The following SIAH3 variants were observed in gnomAD, a reference collection of about 807,000 sequenced individuals.
SIAH3 encodes seven in absentia homolog 3.
SIAH3 carries 9 observed loss-of-function variants against 12.6 expected under a neutral mutation model. The observed-to-expected ratio is 0.72, with a 90% CI of 0.43 to 1.25. The LOEUF is 1.25. Ranked by LOEUF, SIAH3 falls within the 50% of genes most tolerant of loss-of-function variation. The pLI is 0.00. For synonymous variants in SIAH3, 154 were observed against 151.1 expected (o/e 1.02, Z -0.14); for missense variants, 390 against 365.4 (o/e 1.07, Z -0.55).
intron 1 of SIAH3, among the ~76,000 whole-genome samples, chr13:45,813,264 T>C (rs1049661140): frequency 6.6e-6 from 1 of 152,246 alleles, no homozygotes; most frequent in African/African-American, 2.4e-5. Context: ...GGCACCAGGC[T>C]GCATTCAGCT....
At chr13:45,833,382 C>A (rs1447234917) in intron 1 of SIAH3, among the ~76,000 whole-genome samples, 1 of 152,116 alleles carries the variant, frequency 6.6e-6, no homozygotes, top group Non-Finnish European at 1.5e-5. Context: ...TGGACCCAGT[C>A]AACCACCCTG....
At chr13:45,843,948 C>T (rs1054284657) in intron 1 of SIAH3, among the ~76,000 whole-genome samples, 3 of 152,146 alleles carry the variant, frequency 2.0e-5, no homozygotes, top group African/African-American at 7.2e-5. Context: ...AAGTCTAAAA[C>T]CCTGAAAATC....
chr13:45,787,576 C>A (rs1003122097), intron 1 of SIAH3, among the ~76,000 whole-genome samples: 1 of 152,122 alleles, frequency 6.6e-6, no homozygotes, highest in Non-Finnish European at 1.5e-5. Flanking sequence ...GGCAAAGGAC[C>A]TGCTGACAGG....
intron 1 of SIAH3, among the ~76,000 whole-genome samples, chr13:45,801,645 A>G (rs1050042287): frequency 2.0e-5 from 3 of 152,222 alleles, no homozygotes; most frequent in African/African-American, 7.2e-5. Context: ...GGGTCAACAT[A>G]TACTTAATAA....
intron 1 of SIAH3, among the ~76,000 whole-genome samples, chr13:45,799,065 G>C (rs1415263485): frequency 3.9e-5 from 6 of 152,182 alleles, no homozygotes. Flanking sequence ...CACAGCACTA[G>C]ATCCTGGCCA....
rs548452525 is a variant in SIAH3 at position 45,851,602 on chromosome 13, C to T, written c.28G>A (p.Ala10Thr). The change falls in exon 1 of 2, where the codon GCT (alanine) becomes ACT (threonine). Residue 10 changes from alanine to threonine, a missense_variant. Transcript: ENST00000400405. MLFFTQCFG[A>T]VLDLIHLRFQ... is the part of the protein sequence containing the mutation. The stretch of plus-strand genomic sequence containing the variant: ...CGGAGATGAATGAGATCTAATACAG[C>T]CCCAAAGCACTGGGTAAAGAAAAGC... 1.2e-6 allele frequency: 2 copies of T among 1,614,164 alleles called. No individual in the cohort carries two copies. Among genetic ancestry groups the T allele is most frequent in the East Asian group, 4.5e-5 (2 of 44,884 alleles).
chr13:45,812,137 A>G (rs1282827082), intron 1 of SIAH3, among the ~76,000 whole-genome samples: 1 of 152,246 alleles, frequency 6.6e-6, no homozygotes, highest in Non-Finnish European at 1.5e-5. Context: ...TCTGCAGAAG[A>G]ACTTCCAGGT....
At chr13:45,801,105 C>T (rs954122342) in intron 1 of SIAH3, among the ~76,000 whole-genome samples, 11 of 135,766 alleles carry the variant, frequency 8.1e-5, no homozygotes, top group Non-Finnish European at 1.7e-4. Flanking sequence ...CGGGGGGGGG[C>T]ATGGCTGTAG....
Position 45,805,780 on chromosome 13 carries a change from C to A in SIAH3, c.136-21723G>T, listed in dbSNP as rs549982790. Among the ~76,000 whole-genome samples, 21 of 152,094 alleles carry A rather than the reference C, an allele frequency of 1.4e-4. No homozygotes were observed. The East Asian group carries it at 4.1e-3, about 29-fold the overall frequency. On this transcript the variant is annotated intron_variant, in intron 1 of 1. Coordinates refer to ENST00000400405, the MANE Select transcript of SIAH3 (RefSeq NM_198849.3). ...CACAGCAAAAGAAACTATTAACAGG[C>A]TAAACAGACAATTTATAGAATGGTA...
chr13:45,819,821 C>T (rs1034609013), intron 1 of SIAH3, among the ~76,000 whole-genome samples: 2 of 152,168 alleles, frequency 1.3e-5, no homozygotes, highest in African/African-American at 4.8e-5. Flanking sequence ...GGACTTCTGC[C>T]CTCCTCTCTT....
At chr13:45,832,637 G>A (rs1231950219) in intron 1 of SIAH3, among the ~76,000 whole-genome samples, 1 of 152,172 alleles carries the variant, frequency 6.6e-6, no homozygotes, top group Non-Finnish European at 1.5e-5. Flanking sequence ...GAATAATGCT[G>A]CAATAAACAT....
chr13:45,787,352 C>A (rs1309467126), intron 1 of SIAH3, among the ~76,000 whole-genome samples: 1 of 152,098 alleles, frequency 6.6e-6, no homozygotes, highest in African/African-American at 2.4e-5. Flanking sequence ...TACACACCAC[C>A]CATCTTGTGC....
At chr13:45,833,307 G>A (rs11147990) in intron 1 of SIAH3, among the ~76,000 whole-genome samples, 40,108 of 152,080 alleles carry the variant, frequency 0.26, 6,294 homozygotes, top group Admixed American at 0.4. Context: ...GGGCATCGCT[G>A]AAGGTCAGAC....
At chr13:45,848,913 C>T (rs1950769631) in intron 1 of SIAH3, among the ~76,000 whole-genome samples, 1 of 152,192 alleles carries the variant, frequency 6.6e-6, no homozygotes, top group Non-Finnish European at 1.5e-5. Flanking sequence ...AAGGACTTTC[C>T]TCCTCATTAC....
At chr13:45,785,405 A>G (rs1390842577) in intron 1 of SIAH3, among the ~76,000 whole-genome samples, 5 of 152,146 alleles carry the variant, frequency 3.3e-5, no homozygotes, top group Non-Finnish European at 7.3e-5. Context: ...TTCCCAAAGT[A>G]CAGAGGGCAG....
At chr13:45,827,463 C>T (rs550830723) in intron 1 of SIAH3, among the ~76,000 whole-genome samples, 2 of 152,316 alleles carry the variant, frequency 1.3e-5, no homozygotes, top group South Asian at 2.1e-4. Context: ...GACCATTCTG[C>T]TATTTATAAC....
intron 1 of SIAH3, among the ~76,000 whole-genome samples, chr13:45,789,259 T>C (rs1317907784): frequency 1.3e-5 from 2 of 152,392 alleles, no homozygotes; most frequent in East Asian, 3.9e-4. Context: ...GCTACGTAGA[T>C]GGATGAGATC....
chr13:45,825,013 T>C (rs1401261281), intron 1 of SIAH3, among the ~76,000 whole-genome samples: 1 of 151,884 alleles, frequency 6.6e-6, no homozygotes, highest in Non-Finnish European at 1.5e-5. Flanking sequence ...GCTAAAGCGG[T>C]ATGCAAACGT....
chr13:45,822,045 C>T (rs1462665293), intron 1 of SIAH3, among the ~76,000 whole-genome samples: 1 of 152,162 alleles, frequency 6.6e-6, no homozygotes, highest in Non-Finnish European at 1.5e-5. Context: ...GCTCTTGTGA[C>T]ATGTGTCCCC....
Sources: allele counts gnomAD v4.1 joint callset (sites outside exome capture counted in the v4.1 genomes callset), GRCh38; gene constraint gnomAD v4.1.1; transcripts MANE v1.5; gene names NCBI Gene and HGNC (gene_info 2026-07-23, HGNC 2026-07-21).